Variants in RUNX1 observed in about 807,000 individuals in gnomAD.
The protein encoded by RUNX1 is RUNX family transcription factor 1.
A neutral mutation model predicts 42.8 loss-of-function variants in RUNX1; 19 were observed. The ratio of observed to expected loss-of-function variants is 0.44; its 90% CI spans 0.31 to 0.65. The LOEUF is 0.65. Ranked by LOEUF, RUNX1 falls within the 30% of genes least tolerant of loss-of-function variation. The pLI is 0.07. For synonymous variants in RUNX1, 271 were observed against 289.4 expected (o/e 0.94, Z 0.64); for missense variants, 528 against 672.0 (o/e 0.79, Z 2.37).
chr21:34,938,492 C>G (rs1420006678), intron 2 of RUNX1, among the ~76,000 whole-genome samples: 1 of 152,062 alleles, frequency 6.6e-6, no homozygotes, highest in African/African-American at 2.4e-5. Flanking sequence ...TCTTTCTGCT[C>G]TGCAATCCTC....
chr21:34,865,279 C>CGT (rs61238560), intron 5 of RUNX1, among the ~76,000 whole-genome samples: 20,620 of 132,154 alleles, frequency 0.16, 1,623 homozygotes, highest in Middle Eastern at 0.19. Flanking sequence ...GGGTTTTGTG[C>CGT]GTGTGTGTGT....
chr21:34,909,246 T>C (rs904788510), intron 2 of RUNX1, among the ~76,000 whole-genome samples: 12 of 152,118 alleles, frequency 7.9e-5, no homozygotes, highest in African/African-American at 2.7e-4. Flanking sequence ...CCTAAGATTC[T>C]TGCTTCGCTT....
At chr21:34,821,126 C>T (rs1601391720) in intron 7 of RUNX1, among the ~76,000 whole-genome samples, 1 of 152,282 alleles carries the variant, frequency 6.6e-6, no homozygotes, top group South Asian at 2.1e-4. Flanking sequence ...CCACTAAAAC[C>T]ACCAATACCT....
At chr21:34,850,433 G>A (rs532431046) in intron 6 of RUNX1, among the ~76,000 whole-genome samples, 3 of 152,258 alleles carry the variant, frequency 2.0e-5, no homozygotes, top group African/African-American at 4.8e-5. Flanking sequence ...TCCCAGGCAC[G>A]CTTGGGAGAC....
chr21:35,025,820 G>C (rs928909524), intron 2 of RUNX1, among the ~76,000 whole-genome samples: 5 of 152,210 alleles, frequency 3.3e-5, no homozygotes, highest in South Asian at 4.1e-4. Flanking sequence ...GACGTTTCTA[G>C]GGGAGGAAAA....
chr21:35,015,505 T>A (rs969745696), intron 2 of RUNX1, among the ~76,000 whole-genome samples: 1 of 152,176 alleles, frequency 6.6e-6, no homozygotes, highest in Non-Finnish European at 1.5e-5. Flanking sequence ...AAACTCGTCC[T>A]ACTCGCCAAT....
intron 2 of RUNX1, among the ~76,000 whole-genome samples, chr21:35,031,769 T>C (rs970496541): frequency 1.3e-5 from 2 of 152,210 alleles, no homozygotes; most frequent in African/African-American, 4.8e-5. Flanking sequence ...AAGGCAGGCA[T>C]AGAAGAACAA....
chr21:34,807,605 C>T (rs995408569), intron 7 of RUNX1, among the ~76,000 whole-genome samples: 24 of 152,176 alleles, frequency 1.6e-4, no homozygotes, highest in Non-Finnish European at 2.2e-4. Flanking sequence ...TAGGGACGTT[C>T]CCAGGGTTCC....
intron 2 of RUNX1, among the ~76,000 whole-genome samples, chr21:35,045,865 A>T (rs1246975611): frequency 6.6e-6 from 1 of 152,124 alleles, no homozygotes; most frequent in Non-Finnish European, 1.5e-5. Context: ...AACCGCTGAG[A>T]AGACAAGCAG....
chr21:35,004,871 A>G (rs770261606), intron 2 of RUNX1, among the ~76,000 whole-genome samples: 5 of 152,208 alleles, frequency 3.3e-5, no homozygotes, highest in Non-Finnish European at 5.9e-5. Flanking sequence ...CCAGGCCTAC[A>G]AGAACATGGA....
Position 34,788,875 on chromosome 21 carries a change from C to A in RUNX1, c.*3260G>T, listed in dbSNP as rs796136916. ...ATGTCATTCCCCCCAAAAATAAAAA[C>A]CAACAAAAATAAAAATCATCAGGAC... On this transcript the variant is annotated 3_prime_UTR_variant, in exon 9 of 9. Coordinates refer to ENST00000675419, the MANE Select transcript of RUNX1 (RefSeq NM_001754.5). 13 of 233,166 alleles carry A rather than the reference C, an allele frequency of 5.6e-5. No homozygotes were observed. Among genetic ancestry groups the A allele is most frequent in the African/African-American group, 2.2e-4 (10 of 45,302 alleles). 14.4% of individuals were successfully genotyped at this position (233,166 alleles called of 1,614,324 possible).
intron 6 of RUNX1, among the ~76,000 whole-genome samples, chr21:34,849,887 GC>G (rs937517788): frequency 6.6e-6 from 1 of 151,490 alleles, no homozygotes; most frequent in African/African-American, 2.4e-5. Flanking sequence ...TAAGGGGGTA[GC>G]TTTTACTTAT....
At chr21:35,010,453 T>C (rs886838869) in intron 2 of RUNX1, among the ~76,000 whole-genome samples, 3 of 152,234 alleles carry the variant, frequency 2.0e-5, no homozygotes, top group Admixed American at 6.5e-5. Context: ...CATTAAGACA[T>C]GTCCTTTGTT....
At chr21:35,027,104 C>T (rs563415861) in intron 2 of RUNX1, among the ~76,000 whole-genome samples, 3 of 152,172 alleles carry the variant, frequency 2.0e-5, no homozygotes, top group Non-Finnish European at 4.4e-5. Flanking sequence ...CAGGTGCAGC[C>T]GCTGGGAGAG....
chr21:35,018,368 G>A (rs2059174536), intron 2 of RUNX1, among the ~76,000 whole-genome samples: 2 of 152,058 alleles, frequency 1.3e-5, no homozygotes, highest in Non-Finnish European at 2.9e-5. Flanking sequence ...TATCTCAAAA[G>A]GTGAACCTGG....
chr21:34,821,726 A>G, intron 7 of RUNX1: 1 of 1,544,572 alleles, frequency 6.5e-7, no homozygotes, highest in Non-Finnish European at 8.8e-7. Context: ...CCAGGGAGAA[A>G]GTTCGAAAAT....
chr21:34,977,916 G>A (rs2058814967), intron 2 of RUNX1, among the ~76,000 whole-genome samples: 1 of 151,770 alleles, frequency 6.6e-6, no homozygotes, highest in South Asian at 2.1e-4. Context: ...TGTCTTTAGA[G>A]TAAACAGCAT....
intron 6 of RUNX1, among the ~76,000 whole-genome samples, chr21:34,835,369 G>A (rs894071156): frequency 6.6e-6 from 1 of 152,180 alleles, no homozygotes; most frequent in Admixed American, 6.5e-5. Context: ...TATCTGGTGA[G>A]CTTCCCCAGG....
intron 7 of RUNX1, 168 bp downstream of exon 7, chr21:34,834,242 A>G (rs1569036736): frequency 1.3e-6 from 1 of 745,052 alleles, no homozygotes; most frequent in South Asian, 1.5e-5. Context: ...GGGGCCCAAG[A>G]CTCTGCATTT....
Sources: gnomAD v4.1 joint callset for allele counts (sites outside exome capture counted in the v4.1 genomes callset) on GRCh38, gnomAD v4.1.1 for gene constraint, MANE v1.5 for transcripts, NCBI Gene and HGNC (gene_info 2026-07-23, HGNC 2026-07-21) for gene names.